The following DLGAP2 variants were observed in gnomAD, a reference collection of about 807,000 sequenced individuals.
DLGAP2 encodes the protein DLG associated protein 2.
A neutral mutation model predicts 100.3 loss-of-function variants in DLGAP2; 26 were observed. That is an observed-to-expected ratio of 0.26 (90% confidence interval 0.19 to 0.36). The LOEUF (loss-of-function observed/expected upper bound fraction) is 0.36. Among genes scored for constraint, DLGAP2 ranks in the 10% least tolerant of loss-of-function variants. DLGAP2 has a pLI of 1.00. For missense variants in DLGAP2, 1,858 were observed against 1,453.2 expected (o/e 1.28, Z -4.53); for synonymous variants, 886 against 630.1 (o/e 1.41, Z -6.08).
intron 5 of DLGAP2, among the ~76,000 whole-genome samples, chr8:1,559,917 C>G (rs944236067): frequency 6.6e-6 from 1 of 152,224 alleles, no homozygotes; most frequent in African/African-American, 2.4e-5. Context: ...ACCCCAGGAC[C>G]TTTCCTGATC....
At chr8:1,441,142 C>G (rs904124109) in intron 3 of DLGAP2, among the ~76,000 whole-genome samples, 1 of 152,080 alleles carries the variant, frequency 6.6e-6, no homozygotes, top group Non-Finnish European at 1.5e-5. Flanking sequence ...GAAGTATTAT[C>G]TAAACAAAGA....
chr8:1,676,689 C>A lies in DLGAP2; in HGVS notation c.2288+71C>A, dbSNP rs150506542. 2,727 of 1,465,762 alleles carry A rather than the reference C, an allele frequency of 1.9e-3. 7 individuals carry two copies. Among genetic ancestry groups the A allele is most frequent in the Non-Finnish European group, 2.2e-3 (2,324 of 1,068,842 alleles). The allele number at this position is 1,465,762 out of a possible 1,614,324, so 90.8% of individuals were successfully genotyped here. ...CTTTGTCAAAGGCCTGATGGAAGCTCCTAGATCCTGCCGGCCCTCAATCAT... is the reference window on the plus strand; with the variant it reads ...CTTTGTCAAAGGCCTGATGGAAGCTACTAGATCCTGCCGGCCCTCAATCAT... On this transcript the variant is annotated intron_variant, in intron 11 of 14. Coordinates refer to ENST00000637795, the MANE Select transcript of DLGAP2 (RefSeq NM_001346810.2).
intron 2 of DLGAP2, among the ~76,000 whole-genome samples, chr8:1,163,917 C>A (rs1317381195): frequency 6.6e-6 from 1 of 152,238 alleles, no homozygotes; most frequent in Non-Finnish European, 1.5e-5. Flanking sequence ...CCGGCGTCCG[C>A]GGGCCCTGGC....
intron 1 of DLGAP2, among the ~76,000 whole-genome samples, chr8:900,597 A>C (rs1391446910): frequency 6.6e-6 from 1 of 152,176 alleles, no homozygotes; most frequent in African/African-American, 2.4e-5. Flanking sequence ...CCCCCGGTTC[A>C]GCACCCATGG....
In DLGAP2 at chr8:1,212,549, G is replaced by T. The variant is rs559289645; in HGVS notation, c.74-46302G>T. On this transcript the variant is annotated intron_variant, in intron 2 of 14. Transcript: ENST00000637795. ...AATCTCAGTGTCCACACACTTGGCA[G>T]TGTAGTGGAGAGAGAGACGTATTAA... Among the ~76,000 whole-genome samples, 7 of 152,336 alleles carry T rather than the reference G, an allele frequency of 4.6e-5. No individual in the cohort carries two copies. The South Asian group carries it at 1.4e-3, about 32-fold the overall frequency.
rs564577480 is a variant in DLGAP2, at chr8:1,316,295, A to G, written c.106+57412A>G. 1.1e-4 allele frequency among the ~76,000 whole-genome samples: 14 copies of G among 132,308 alleles called. 1 individual carries two copies. The South Asian group carries it at 1.5e-3, about 14-fold the overall frequency. The allele number at this position is 132,308 out of a possible 152,430, so 86.8% of individuals were successfully genotyped here. A position where few individuals can be genotyped will look rare whatever the true frequency, so the allele number is the denominator to read the frequency against. On this transcript the variant is annotated intron_variant, in intron 3 of 14. Coordinates refer to ENST00000637795, the MANE Select transcript of DLGAP2 (RefSeq NM_001346810.2). ...TGTGCGAGTGCAGCGTCTCTCCAACAGTGGTCTACACTCGAGAAACTTGGC... is the reference window on the plus strand; with the variant it reads ...TGTGCGAGTGCAGCGTCTCTCCAACGGTGGTCTACACTCGAGAAACTTGGC...
intron 4 of DLGAP2, among the ~76,000 whole-genome samples, chr8:1,507,647 C>T (rs980872598): frequency 2.0e-5 from 3 of 152,178 alleles, no homozygotes; most frequent in Non-Finnish European, 4.4e-5. Context: ...TGAGGGCTGC[C>T]AGCATGCTGT....
intron 2 of DLGAP2, among the ~76,000 whole-genome samples, chr8:1,066,172 C>T (rs1370803069): frequency 6.6e-6 from 1 of 151,170 alleles, no homozygotes; most frequent in Non-Finnish European, 1.5e-5. Flanking sequence ...TGAGCGAGGA[C>T]AGTTCCCCAC....
rs142022491 is a variant in DLGAP2 at position 1,672,895 on chromosome 8, G to T, written c.2202+3111G>T. Among the ~76,000 whole-genome samples, 9 of 152,298 alleles carry T rather than the reference G, an allele frequency of 5.9e-5. No homozygotes were observed. The East Asian group carries it at 1.7e-3, about 29-fold the overall frequency. ...GAAGAGCGGAAAATGAGCTTGTTGG[G>T]AGAGCAAAGATTACAGATTGGCACC... On this transcript the variant is annotated intron_variant, in intron 10 of 14. Transcript: ENST00000637795.
At chr8:985,456 T>C (rs1800459488) in intron 2 of DLGAP2, among the ~76,000 whole-genome samples, 2 of 152,358 alleles carry the variant, frequency 1.3e-5, no homozygotes, top group Admixed American at 6.5e-5. Flanking sequence ...AGATCATCCA[T>C]GTGCCAGCAC....
chr8:1,043,274 G>T (rs1369090890), intron 2 of DLGAP2, among the ~76,000 whole-genome samples: 2 of 120,628 alleles, frequency 1.7e-5, no homozygotes, highest in Admixed American at 7.9e-5. Flanking sequence ...GGATGTGGGT[G>T]GTGGACGTGG....
At chr8:1,263,416 A>C (rs140377459) in intron 3 of DLGAP2, among the ~76,000 whole-genome samples, 1 of 152,180 alleles carries the variant, frequency 6.6e-6, no homozygotes, top group African/African-American at 2.4e-5. Context: ...ACAGAATCTT[A>C]TATTTTAGAA....
chr8:1,549,919 A>G (rs1055998028), intron 5 of DLGAP2, among the ~76,000 whole-genome samples: 4 of 152,028 alleles, frequency 2.6e-5, no homozygotes, highest in African/African-American at 9.7e-5. Context: ...ATTTCCACCT[A>G]TTCAATACGT....
chr8:1,562,520 C>G (rs574612857), intron 5 of DLGAP2, among the ~76,000 whole-genome samples: 523 of 27,942 alleles, frequency 0.019, 99 homozygotes, highest in African/African-American at 0.088. Context: ...TTGGGGTGTC[C>G]GCGCCTCGTT....
At chr8:1,506,574 T>C (rs73538592) in intron 4 of DLGAP2, among the ~76,000 whole-genome samples, 11,983 of 152,098 alleles carry the variant, frequency 0.079, 1,293 homozygotes, top group African/African-American at 0.24. Context: ...AGCGTAAAAA[T>C]TAAGCATCCA....
chr8:1,457,975 C>CATATATATATATATATATAT (rs57897392), intron 3 of DLGAP2, among the ~76,000 whole-genome samples: 2 of 107,768 alleles, frequency 1.9e-5, no homozygotes, highest in Non-Finnish European at 3.9e-5. Flanking sequence ...GTTCTCTGAT[C>CATATATATATATATATATAT]ATATATATAT....
intron 3 of DLGAP2, among the ~76,000 whole-genome samples, chr8:1,267,581 A>ATAAG (rs1799484437): frequency 9.2e-5 from 6 of 64,952 alleles, no homozygotes; most frequent in Non-Finnish European, 1.8e-4. Context: ...AATAAAATAA[A>ATAAG]ATAAAATAAG....
intron 3 of DLGAP2, among the ~76,000 whole-genome samples, chr8:1,386,945 G>A (rs1796234614): frequency 1.3e-5 from 2 of 152,116 alleles, no homozygotes; most frequent in South Asian, 2.1e-4. Flanking sequence ...GTTGTATGAG[G>A]ATAGATAATA....
chr8:1,619,608 G>A (rs947499067), intron 6 of DLGAP2: 1 of 152,174 alleles, frequency 6.6e-6, no homozygotes, highest in African/African-American at 2.4e-5. Flanking sequence ...TCACAATACA[G>A]GTCTTGCAAG....
Sources: gnomAD v4.1 joint callset for allele counts (sites outside exome capture counted in the v4.1 genomes callset) on GRCh38, gnomAD v4.1.1 for gene constraint, MANE v1.5 for transcripts, NCBI Gene and HGNC (gene_info 2026-07-23, HGNC 2026-07-21) for gene names.